The following PCDHA3 variants were observed in gnomAD, a reference collection of about 807,000 sequenced individuals.
PCDHA3 encodes the protein protocadherin alpha-3.
In PCDHA3, 41 loss-of-function variants were observed where a neutral mutation model predicts 62.2. The ratio of observed to expected loss-of-function variants is 0.66; its 90% CI spans 0.51 to 0.86. The LOEUF is 0.86. PCDHA3 is among the 40% of genes least tolerant of loss of function. The pLI is 0.00. For missense variants in PCDHA3, 1,304 were observed against 1,241.2 expected (o/e 1.05, Z -0.76); for synonymous variants, 640 against 555.4 (o/e 1.15, Z -2.14).
chr5:140,841,545 T>C lies in PCDHA3; in HGVS notation c.2394+37954T>C, dbSNP rs1554138308. ...GCGTCCAAAAGACACCGGGACCTTC[T>C]GGAGGTAAGTCTGCAGAATGGCATT... On this transcript the variant is annotated intron_variant, in intron 1 of 3. Coordinates refer to ENST00000522353, the MANE Select transcript of PCDHA3 (RefSeq NM_018906.3). 1 of 1,613,752 alleles carries C rather than the reference T, an allele frequency of 6.2e-7. No homozygotes were observed.
At chr5:140,967,135 G>A in intron 1 of PCDHA3, 1 of 1,611,752 alleles carries the variant, frequency 6.2e-7, no homozygotes, top group South Asian at 1.1e-5. Context: ...GCTTGGAAGT[G>A]CTGGCGCACA....
intron 3 of PCDHA3, among the ~76,000 whole-genome samples, chr5:140,992,185 C>G (rs1554252730): frequency 1.3e-5 from 2 of 152,102 alleles, no homozygotes; most frequent in African/African-American, 4.8e-5. Context: ...ATCATGCTTT[C>G]AGTGATCTAT....
At chr5:140,969,765 G>T (rs1445266469) in intron 1 of PCDHA3, among the ~76,000 whole-genome samples, 5 of 152,148 alleles carry the variant, frequency 3.3e-5, no homozygotes, top group Non-Finnish European at 7.3e-5. Flanking sequence ...AAGCTCTGAG[G>T]CCTCTAGGGG....
rs554327220 is a variant in PCDHA3 at position 140,980,560 on chromosome 5, G to T, written c.2453+1553G>T. Reference sequence around the variant, plus strand: ...CAGGAGAATCGCTTGAACCCGGGAGGCGGAAGTTGCAGTGAGCCAAGATCG... The same window carrying T: ...CAGGAGAATCGCTTGAACCCGGGAGTCGGAAGTTGCAGTGAGCCAAGATCG... On this transcript the variant is annotated intron_variant, in intron 2 of 3. Coordinates refer to ENST00000522353, the MANE Select transcript of PCDHA3 (RefSeq NM_018906.3). Among the ~76,000 whole-genome samples the T allele has an allele frequency of 1.6e-4, 25 of 152,244 alleles. No individual in the cohort carries two copies. The East Asian group carries it at 4.6e-3, about 28-fold the overall frequency.
intron 3 of PCDHA3, among the ~76,000 whole-genome samples, chr5:140,994,520 T>C (rs2097631658): frequency 6.8e-6 from 1 of 147,840 alleles, no homozygotes; most frequent in African/African-American, 2.6e-5. Context: ...CTGGGCAACA[T>C]GGCAAAACCC....
At chr5:140,852,280 G>T in intron 1 of PCDHA3, 1 of 510,402 alleles carries the variant, frequency 2.0e-6, no homozygotes, top group Non-Finnish European at 2.6e-6. Flanking sequence ...CATGTTTTTT[G>T]TCTTTTTATT....
chr5:140,812,904 C>A (rs995025356), intron 1 of PCDHA3: 1 of 152,164 alleles, frequency 6.6e-6, no homozygotes, highest in African/African-American at 2.4e-5. Context: ...AACAGAATTT[C>A]GTTCAAAATT....
At chr5:140,838,888 C>A (rs1414271467) in intron 1 of PCDHA3, among the ~76,000 whole-genome samples, 1 of 151,692 alleles carries the variant, frequency 6.6e-6, no homozygotes, top group Non-Finnish European at 1.5e-5. Context: ...GAACTCCAGC[C>A]TAGGTGACAG....
intron 1 of PCDHA3, chr5:140,968,774 C>T (rs2096269643): frequency 6.2e-7 from 1 of 1,614,088 alleles, no homozygotes. Flanking sequence ...AGAGCCATCA[C>T]TATCAGCCTC....
intron 1 of PCDHA3, chr5:140,811,488 T>C (rs1192193406): frequency 6.6e-6 from 1 of 152,242 alleles, no homozygotes; most frequent in Non-Finnish European, 1.5e-5. Context: ...TGTGTCTTTA[T>C]AGTAGCATGA....
At chr5:140,841,423 C>A (rs139433967) in intron 1 of PCDHA3, 2 of 1,610,284 alleles carry the variant, frequency 1.2e-6, no homozygotes, top group Admixed American at 3.4e-5. Flanking sequence ...TCCACTACTC[C>A]GTCCCCGAGG....
chr5:140,921,706 T>C (rs2080341352), intron 1 of PCDHA3, among the ~76,000 whole-genome samples: 1 of 152,148 alleles, frequency 6.6e-6, no homozygotes, highest in Non-Finnish European at 1.5e-5. Flanking sequence ...TTTTAAACAG[T>C]AAACACACGA....
intron 1 of PCDHA3, among the ~76,000 whole-genome samples, chr5:140,974,018 T>C (rs2096611642): frequency 1.3e-5 from 2 of 152,222 alleles, no homozygotes; most frequent in Non-Finnish European, 1.5e-5. Context: ...CATGTGATAA[T>C]ACAACTATAA....
At chr5:140,888,011 A>G (rs1554183291) in intron 1 of PCDHA3, among the ~76,000 whole-genome samples, 1 of 152,138 alleles carries the variant, frequency 6.6e-6, no homozygotes, top group African/African-American at 2.4e-5. Flanking sequence ...TCATCTTTTT[A>G]TCTATATGTT....
rs782079622 is a variant in PCDHA3, at chr5:140,830,671, A to T, written c.2394+27080A>T. On this transcript the variant is annotated intron_variant, in intron 1 of 3. Coordinates refer to ENST00000522353, the MANE Select transcript of PCDHA3 (RefSeq NM_018906.3). ...TAATATTCATAATTTAAGTGAAATTAGAAATCACTGTCCACAATCTGCACC... is the reference window on the plus strand; with the variant it reads ...TAATATTCATAATTTAAGTGAAATTTGAAATCACTGTCCACAATCTGCACC... 15 of 371,800 alleles carry T rather than the reference A, an allele frequency of 4.0e-5. 1 individual carries two copies. The highest frequency in any genetic ancestry group is 6.2e-5 in the Non-Finnish European group (14 of 224,206). 23.0% of individuals were successfully genotyped at this position (371,800 alleles called of 1,614,324 possible).
At chr5:140,869,022 C>G in intron 1 of PCDHA3, 1 of 1,525,610 alleles carries the variant, frequency 6.6e-7, no homozygotes, top group African/African-American at 1.4e-5. Flanking sequence ...CTTAAGAATT[C>G]AACGAGATTT....
At chr5:140,900,572 G>A (rs1244478745) in intron 1 of PCDHA3, among the ~76,000 whole-genome samples, 3 of 152,068 alleles carry the variant, frequency 2.0e-5, no homozygotes, top group Non-Finnish European at 4.4e-5. Flanking sequence ...CCACGGCACC[G>A]GCCCATTTTC....
chr5:140,868,581 A>G (rs1554162109), intron 1 of PCDHA3: 1 of 152,846 alleles, frequency 6.5e-6, no homozygotes, highest in African/African-American at 2.4e-5. Flanking sequence ...ACTTTCAGGA[A>G]ATGTTTAACC....
chr5:140,899,101 G>T (rs1554188394), intron 1 of PCDHA3, among the ~76,000 whole-genome samples: 5 of 152,096 alleles, frequency 3.3e-5, no homozygotes, highest in Non-Finnish European at 7.4e-5. Context: ...CTGAGATAAT[G>T]GGGTTTTCTA....
Sources: allele counts gnomAD v4.1 joint callset (sites outside exome capture counted in the v4.1 genomes callset), GRCh38; gene constraint gnomAD v4.1.1; transcripts MANE v1.5; gene names NCBI Gene and HGNC (gene_info 2026-07-23, HGNC 2026-07-21).